FARP2: variants seen among roughly 807,000 people sequenced by gnomAD.
FARP2 encodes the protein FERM, ARH/RhoGEF and pleckstrin domain protein 2, also known as FERM, ARHGEF and pleckstrin domain-containing protein 2.
Under a neutral mutation model 130.5 loss-of-function variants are expected in FARP2, and 111 were observed. The ratio of observed to expected loss-of-function variants is 0.85; its 90% confidence interval spans 0.73 to 1.00. FARP2 has a LOEUF of 1.00. Ranked by LOEUF, FARP2 falls within the 50% of genes least tolerant of loss-of-function variation. The probability of loss-of-function intolerance (pLI) is 0.00; values close to 1 mark genes in which losing one functional copy is unlikely to be tolerated. For synonymous variants in FARP2, 504 were observed against 516.9 expected, an observed-to-expected ratio of 0.98 and a Z score of 0.34; for missense variants, 1,385 against 1,346.3, an observed-to-expected ratio of 1.03 and a Z score of -0.45.
rs747214629 is a variant in FARP2, at chr2:241,492,942, G to T, written c.2801G>T (p.Gly934Val). The change falls in exon 25 of 27, where the codon GGA becomes GTA. Residue 934 changes from glycine to valine, a missense_variant. Physicochemically the swap from Gly to Val is moderately radical, Grantham distance 109. Coordinates refer to ENST00000264042, the MANE Select transcript of FARP2 (RefSeq NM_014808.4). Reference sequence around the variant, plus strand: ...CTTTATTGACAGAACCAGCTTTCAGGATATCTGCTAAGAAAGTTCAAAAAC... The same window carrying T: ...CTTTATTGACAGAACCAGCTTTCAGTATATCTGCTAAGAAAGTTCAAAAAC... ...HSAAVENQLSGYLLRKFKNSH... is the reference protein window; with the variant it reads ...HSAAVENQLSVYLLRKFKNSH... 56 of 1,607,162 alleles carry T rather than the reference G, an allele frequency of 3.5e-5. No homozygotes were observed. The South Asian group carries it at 5.9e-4, about 17-fold the overall frequency.
At chr2:241,455,816 T>C (rs2063819528) in intron 13 of FARP2, among the ~76,000 whole-genome samples, 1 of 142,078 alleles carries the variant, frequency 7.0e-6, no homozygotes, top group African/African-American at 2.6e-5. Context: ...CTCGGCTCAC[T>C]GCAAGCTCTG....
chr2:241,388,354 G>C (rs557497239), intron 2 of FARP2, among the ~76,000 whole-genome samples: 7 of 152,292 alleles, frequency 4.6e-5, no homozygotes, highest in Admixed American at 3.3e-4. Flanking sequence ...CACAGATGGT[G>C]CCTAGGCAAG....
chr2:241,377,263 A>C (rs901050166), intron 2 of FARP2, among the ~76,000 whole-genome samples: 7 of 151,544 alleles, frequency 4.6e-5, no homozygotes, highest in Non-Finnish European at 1.0e-4. Flanking sequence ...AGATTCCCCA[A>C]GTTGATATTG....
Position 241,417,975 on chromosome 2 carries a change from G to A in FARP2, c.637G>A (p.Ala213Thr). The change falls in exon 8 of 27, where the codon GCT (alanine) becomes ACT (threonine). Residue 213 changes from alanine (A) to threonine (T), a missense_variant. Transcript: ENST00000264042. The stretch of plus-strand genomic sequence containing the variant: ...TTTTTATTACAGGGGCCAGACACCT[G>A]CTGAGTCGGATTTCCAGGTGCTCGA... ...FHQKHVGQTP[A>T]ESDFQVLEIA... 1.2e-6 allele frequency: 2 copies of A among 1,614,202 alleles called. No homozygotes were observed. Among genetic ancestry groups the A allele is most frequent in the Non-Finnish European group, 1.7e-6 (2 of 1,180,036 alleles).
intron 1 of FARP2, among the ~76,000 whole-genome samples, chr2:241,369,247 G>A (rs2061376434): frequency 6.6e-6 from 1 of 152,154 alleles, no homozygotes. Flanking sequence ...TCTCGTGGAA[G>A]AGGAAGCAAT....
intron 19 of FARP2, among the ~76,000 whole-genome samples, chr2:241,480,590 A>G (rs2064589071): frequency 6.6e-6 from 1 of 151,384 alleles, no homozygotes; most frequent in Non-Finnish European, 1.5e-5. Flanking sequence ...TTCTAAGGGG[A>G]TATTTATACT....
At chr2:241,453,608 C>T (rs756911521) in intron 13 of FARP2, among the ~76,000 whole-genome samples, 7 of 148,956 alleles carry the variant, frequency 4.7e-5, no homozygotes, top group South Asian at 2.1e-4. Flanking sequence ...GGTGAAAGAG[C>T]GAGACTCTGT....
At chr2:241,397,975 G>T (rs1046457054) in intron 2 of FARP2, among the ~76,000 whole-genome samples, 3 of 151,270 alleles carry the variant, frequency 2.0e-5, no homozygotes, top group Non-Finnish European at 4.4e-5. Context: ...GACTACAGGC[G>T]CCTGCCACCA....
chr2:241,490,871 C>G (rs1030927741), intron 22 of FARP2, among the ~76,000 whole-genome samples, 190 bp from the exon 23 acceptor site: 2 of 152,212 alleles, frequency 1.3e-5, no homozygotes, highest in African/African-American at 4.8e-5. Context: ...GGAGGTCAGG[C>G]TGATGCAGGT....
At chr2:241,408,743 C>T in intron 5 of FARP2, among the ~76,000 whole-genome samples, 1 of 151,934 alleles carries the variant, frequency 6.6e-6, no homozygotes, top group South Asian at 2.1e-4. Context: ...AACTTTTTTG[C>T]CTTCTGGCTA....
At chr2:241,490,822 G>T (rs1039376062) in intron 22 of FARP2, among the ~76,000 whole-genome samples, 1 of 152,174 alleles carries the variant, frequency 6.6e-6, no homozygotes, top group Non-Finnish European at 1.5e-5. Context: ...CTAGGACCGG[G>T]GCCCTGCCCT....
chr2:241,492,612 A>G (rs1382242295), intron 24 of FARP2: 2 of 237,740 alleles, frequency 8.4e-6, no homozygotes, highest in South Asian at 9.7e-5. Flanking sequence ...ACTTGGCTCA[A>G]TGTACTGTCT....
chr2:241,357,003 C>T (rs985083150), intron 1 of FARP2, among the ~76,000 whole-genome samples: 6 of 152,192 alleles, frequency 3.9e-5, no homozygotes, highest in Non-Finnish European at 4.4e-5. Flanking sequence ...AAACTGGGGA[C>T]CAGAATATGG....
At chr2:241,441,795 G>C in intron 13 of FARP2, 1 of 616,284 alleles carries the variant, frequency 1.6e-6, no homozygotes, top group Non-Finnish European at 2.9e-6. Flanking sequence ...CCCAGCTGCA[G>C]GTATCTGAGG....
chr2:241,430,235 C>A (rs1408056452), intron 8 of FARP2, among the ~76,000 whole-genome samples: 2 of 152,238 alleles, frequency 1.3e-5, no homozygotes, highest in Non-Finnish European at 2.9e-5. Flanking sequence ...CATGTCCTTT[C>A]ATTTTATGAA....
chr2:241,422,616 G>A (rs536062967), intron 8 of FARP2, among the ~76,000 whole-genome samples: 4 of 152,158 alleles, frequency 2.6e-5, no homozygotes, highest in Non-Finnish European at 5.9e-5. Flanking sequence ...GGCTGGGGCT[G>A]AGGCTGAGAT....
intron 12 of FARP2, among the ~76,000 whole-genome samples, chr2:241,437,727 C>A (rs1337582614): frequency 6.7e-6 from 1 of 148,292 alleles, no homozygotes; most frequent in Non-Finnish European, 1.5e-5. Context: ...TATAGTGGCG[C>A]GATCTCGGCT....
chr2:241,366,129 A>ACG (rs1464358737), intron 1 of FARP2, among the ~76,000 whole-genome samples: 130 of 98,850 alleles, frequency 1.3e-3, no homozygotes, highest in Non-Finnish European at 1.6e-3. Context: ...ATACGTATAT[A>ACG]TATATATATA....
chr2:241,465,962 GT>G, intron 17 of FARP2: 4 of 1,409,994 alleles, frequency 2.8e-6, no homozygotes, highest in Non-Finnish European at 3.7e-6. Context: ...TAATGAGAAA[GT>G]TCTACTTATC....
Sources: gnomAD v4.1 joint callset for allele counts (sites outside exome capture counted in the v4.1 genomes callset) on GRCh38, gnomAD v4.1.1 for gene constraint, MANE v1.5 for transcripts, NCBI Gene and HGNC (gene_info 2026-07-23, HGNC 2026-07-21) for gene names.